MUSK: variants seen among roughly 807,000 people sequenced by gnomAD.
MUSK encodes the protein muscle associated receptor tyrosine kinase.
A neutral mutation model predicts 88.7 loss-of-function variants in MUSK; 55 were observed. That is an observed-to-expected ratio of 0.62 (90% CI 0.50 to 0.78). MUSK has a LOEUF of 0.78. Among genes scored for constraint, MUSK ranks in the 30% least tolerant of loss-of-function variants. The pLI is 0.00. For missense variants in MUSK, 1,015 were observed against 1,074.3 expected (o/e 0.94, Z 0.77); for synonymous variants, 387 against 391.9 (o/e 0.99, Z 0.15).
chr9:110,797,162 C>CAA (rs34924295), intron 14 of MUSK, among the ~76,000 whole-genome samples: 735 of 16,812 alleles, frequency 0.044, 100 homozygotes, highest in Middle Eastern at 0.071. Flanking sequence ...CATGAATACC[C>CAA]AAAAAAAAAA....
chr9:110,783,599 GACT>G (rs1279479543), intron 11 of MUSK, among the ~76,000 whole-genome samples: 2 of 151,634 alleles, frequency 1.3e-5, no homozygotes, highest in Non-Finnish European at 2.9e-5. Context: ...CCATTGATTA[GACT>G]ACTATATGAA....
chr9:110,783,047 C>T (rs2077789005), intron 11 of MUSK, among the ~76,000 whole-genome samples: 1 of 152,158 alleles, frequency 6.6e-6, no homozygotes, highest in African/African-American at 2.4e-5. Flanking sequence ...CTCTTGTAGC[C>T]TCCAATTTTG....
At chr9:110,742,414 C>T (rs978999922) in intron 6 of MUSK, among the ~76,000 whole-genome samples, 2 of 152,094 alleles carry the variant, frequency 1.3e-5, no homozygotes, top group Non-Finnish European at 2.9e-5. Context: ...CAAGATTGCG[C>T]CACTGCACTC....
intron 1 of MUSK, among the ~76,000 whole-genome samples, chr9:110,675,462 C>G (rs966119278): frequency 6.6e-6 from 1 of 150,500 alleles, no homozygotes; most frequent in African/African-American, 2.4e-5. Context: ...ACCTCGTGAT[C>G]CGCCCGCCTC....
rs142744359 is a variant in MUSK at position 110,672,326 on chromosome 9, A to C, written c.79+3343A>C. Among the ~76,000 whole-genome samples, 289 of 152,314 alleles carry C rather than the reference A, an allele frequency of 1.9e-3. 1 individual carries two copies. The highest frequency in any genetic ancestry group is 6.5e-3 in the African/African-American group (271 of 41,574). On this transcript the variant is annotated intron_variant, in intron 1 of 14. Coordinates refer to ENST00000374448, the MANE Select transcript of MUSK (RefSeq NM_005592.4). The stretch of plus-strand genomic sequence containing the variant: ...GGGCCTGAAAGGAGTGGCTCTATTC[A>C]GGAAGATGAGAGGATCACATGGGCC...
At chr9:110,755,087 C>A (rs2077294263) in intron 7 of MUSK, among the ~76,000 whole-genome samples, 1 of 152,138 alleles carries the variant, frequency 6.6e-6, no homozygotes, top group Non-Finnish European at 1.5e-5. Flanking sequence ...TAATGATTTT[C>A]CTATTGTCCA....
At chr9:110,759,299 T>G (rs1004287509) in intron 7 of MUSK, among the ~76,000 whole-genome samples, 29 of 152,180 alleles carry the variant, frequency 1.9e-4, no homozygotes, top group African/African-American at 7.0e-4. Context: ...TGAAGCTGGA[T>G]CCCTTCCTTA....
At chr9:110,706,016 T>TA in intron 5 of MUSK, 1 of 461,118 alleles carries the variant, frequency 2.2e-6, no homozygotes, top group South Asian at 1.6e-5. Context: ...CACAATTGAA[T>TA]AAATTTTAGT....
At chr9:110,689,727 T>TAAATATATAACTATATATAGTTATATAG (rs1564217923) in intron 3 of MUSK, among the ~76,000 whole-genome samples, 1 of 78,164 alleles carries the variant, frequency 1.3e-5, no homozygotes, top group Non-Finnish European at 2.1e-5. Context: ...ATGTTATATA[T>TAAATATATAACTATATATAGTTATATAG]AGTTTATATA....
chr9:110,714,458 A>G (rs2131781585), intron 5 of MUSK, among the ~76,000 whole-genome samples: 1 of 152,242 alleles, frequency 6.6e-6, no homozygotes, highest in Admixed American at 6.5e-5. Flanking sequence ...TTTGAGGATG[A>G]TGTGTATGTT....
chr9:110,776,603 A>C (rs771054784), intron 10 of MUSK, 29 bp from the exon 11 acceptor site: 1 of 1,578,852 alleles, frequency 6.3e-7, no homozygotes, highest in South Asian at 1.1e-5. Context: ...ATGCTCACTT[A>C]AAACAAATTT....
chr9:110,766,812 C>T (rs2077491855), intron 8 of MUSK, among the ~76,000 whole-genome samples: 3 of 152,134 alleles, frequency 2.0e-5, no homozygotes, highest in African/African-American at 4.8e-5. Flanking sequence ...TCATTACTAA[C>T]ACTATGGAAG....
intron 5 of MUSK, among the ~76,000 whole-genome samples, chr9:110,708,122 ATCT>A (rs1447293944): frequency 6.6e-6 from 1 of 152,048 alleles, no homozygotes; most frequent in African/African-American, 2.4e-5. Context: ...CTATCTATCT[ATCT>A]ATCTATCTAT....
intron 5 of MUSK, among the ~76,000 whole-genome samples, chr9:110,710,521 A>G (rs910497185): frequency 6.6e-6 from 1 of 152,212 alleles, no homozygotes; most frequent in African/African-American, 2.4e-5. Flanking sequence ...TAGAATGTCA[A>G]CATTAACAAC....
intron 5 of MUSK, among the ~76,000 whole-genome samples, chr9:110,721,904 GT>G (rs1217324508): frequency 2.6e-5 from 4 of 152,236 alleles, no homozygotes; most frequent in African/African-American, 9.6e-5. Context: ...ACAGAGATCA[GT>G]GGAACTGAAT....
In MUSK at chr9:110,713,508, C is replaced by A. The variant is rs370538145; in HGVS notation, c.628+16042C>A. Among the ~76,000 whole-genome samples, 204 of 152,234 alleles carry A rather than the reference C, an allele frequency of 1.3e-3. 2 individuals carry two copies. The highest frequency in any genetic ancestry group is 3.4e-3 in the Middle Eastern group (1 of 294). ...CTCCTGGCCTCAAGTGATCCACCTG[C>A]CTCAGTCTTCCAAAGTGCTAGGATT... On this transcript the variant is annotated intron_variant, in intron 5 of 14. Transcript: ENST00000374448.
At chr9:110,681,053 TATATTATATATATA>T (rs1564209548) in intron 1 of MUSK, among the ~76,000 whole-genome samples, 1 of 36,368 alleles carries the variant, frequency 2.7e-5, no homozygotes, top group East Asian at 4.3e-4. Context: ...ATATATATTA[TATATTATATATATA>T]ATATTATATA....
intron 5 of MUSK, among the ~76,000 whole-genome samples, chr9:110,727,281 G>A (rs960535329): frequency 6.6e-6 from 1 of 152,036 alleles, no homozygotes; most frequent in Admixed American, 6.6e-5. Flanking sequence ...CTTCTCATTG[G>A]GAAGACTCAA....
chr9:110,786,315 A>C (rs1215725247), intron 13 of MUSK, among the ~76,000 whole-genome samples: 1 of 150,888 alleles, frequency 6.6e-6, no homozygotes, highest in Non-Finnish European at 1.5e-5. Context: ...TGTCTCAAAA[A>C]AAAAAAAAAA....
Sources: allele counts gnomAD v4.1 joint callset (sites outside exome capture counted in the v4.1 genomes callset), GRCh38; gene constraint gnomAD v4.1.1; transcripts MANE v1.5; gene names NCBI Gene and HGNC (gene_info 2026-07-23, HGNC 2026-07-21).